Variants in NEK5 observed in about 807,000 individuals in gnomAD.
The protein encoded by NEK5 is NIMA related kinase 5, also known as serine/threonine-protein kinase Nek5.
A neutral mutation model predicts 109.2 loss-of-function variants in NEK5; 88 were observed. The observed-to-expected ratio is 0.81, with a 90% CI of 0.68 to 0.96. NEK5 has a LOEUF of 0.96. Ranked by LOEUF, NEK5 falls within the 40% of genes least tolerant of loss-of-function variation. The pLI is 0.00. For synonymous variants in NEK5, 283 were observed against 299.9 expected (o/e 0.94, Z 0.58); for missense variants, 834 against 920.7 (o/e 0.91, Z 1.22).
intron 12 of NEK5, among the ~76,000 whole-genome samples, chr13:52,095,417 T>C (rs972145961): frequency 1.3e-5 from 2 of 152,204 alleles, no homozygotes; most frequent in Admixed American, 6.5e-5. Context: ...AATAGGAATA[T>C]CAGAGGTAGT....
chr13:52,096,342 A>G lies in NEK5; in HGVS notation c.1027-3107T>C, dbSNP rs1243643855. ...GTGGAGGGCTCAGAAGAAGATAGGAAGATGATGGAAAGTTTGGAATGCCCT... is the reference window on the plus strand; with the variant it reads ...GTGGAGGGCTCAGAAGAAGATAGGAGGATGATGGAAAGTTTGGAATGCCCT... On this transcript the variant is annotated intron_variant, in intron 12 of 23. Coordinates refer to ENST00000684899, the MANE Select transcript of NEK5 (RefSeq NM_001365552.1). 2.6e-5 allele frequency among the ~76,000 whole-genome samples: 4 copies of G among 152,128 alleles called. No homozygotes were observed. The East Asian group carries it at 7.7e-4, about 29-fold the overall frequency.
At chr13:52,046,647 A>G (rs1435755152) in intron 23 of NEK5, among the ~76,000 whole-genome samples, 1 of 151,720 alleles carries the variant, frequency 6.6e-6, no homozygotes, top group Non-Finnish European at 1.5e-5. Context: ...GGGAAGTTAG[A>G]TTGAGCCCAG....
chr13:52,075,846 A>G lies in NEK5; in HGVS notation c.1654-20T>C. On this transcript the variant is annotated intron_variant, in intron 18 of 23. Coordinates refer to ENST00000684899, the MANE Select transcript of NEK5 (RefSeq NM_001365552.1). ...CCCCTTCTAGGAGAAAGCAAAAAAA[A>G]AAAAAAAGTTTAGCAATTCAGTAAA... 1 of 1,493,374 alleles carries G rather than the reference A, an allele frequency of 6.7e-7. No individual in the cohort carries two copies. Among genetic ancestry groups the G allele is most frequent in the Non-Finnish European group, 9.0e-7 (1 of 1,108,902 alleles). 92.5% of individuals were successfully genotyped at this position (1,493,374 alleles called of 1,614,324 possible).
chr13:52,089,972 G>GA (rs1337132105), intron 13 of NEK5, among the ~76,000 whole-genome samples: 12 of 149,176 alleles, frequency 8.0e-5, no homozygotes, highest in Non-Finnish European at 1.6e-4. Context: ...AAAAAAAAAA[G>GA]AAAAAAAGAA....
At chr13:52,112,772 A>C (rs899391656) in intron 4 of NEK5, among the ~76,000 whole-genome samples, 1 of 152,224 alleles carries the variant, frequency 6.6e-6, no homozygotes, top group African/African-American at 2.4e-5. Flanking sequence ...TTTGGGCATA[A>C]AGCCATATTT....
intron 3 of NEK5, among the ~76,000 whole-genome samples, chr13:52,125,178 A>G (rs1211207695): frequency 6.6e-6 from 1 of 152,184 alleles, no homozygotes; most frequent in Admixed American, 6.5e-5. Context: ...TCGTCATCCT[A>G]AATTCTTGAT....
chr13:52,036,845 A>C lies in NEK5; in HGVS notation c.*103T>G. On this transcript the variant is annotated 3_prime_UTR_variant, in exon 24 of 24. Coordinates refer to ENST00000684899, the MANE Select transcript of NEK5 (RefSeq NM_001365552.1). Reference sequence around the variant, plus strand: ...AAAGAAAAATTAATAAATCCTTGAGATTACTAGAAAACCCTTACAGTAAAT... The same window carrying C: ...AAAGAAAAATTAATAAATCCTTGAGCTTACTAGAAAACCCTTACAGTAAAT... 2.3e-6 allele frequency: 1 copy of C among 428,220 alleles called. No homozygotes were observed. Among genetic ancestry groups the C allele is most frequent in the Non-Finnish European group, 3.1e-6 (1 of 321,172 alleles). 26.5% of individuals were successfully genotyped at this position (428,220 alleles called of 1,614,324 possible).
intron 5 of NEK5, among the ~76,000 whole-genome samples, chr13:52,111,892 CAG>C (rs1955765703): frequency 6.6e-6 from 1 of 152,192 alleles, no homozygotes; most frequent in African/African-American, 2.4e-5. Context: ...TAGTTTAAAA[CAG>C]AGCACCAAAT....
At chr13:52,102,363 A>C (rs1955557811) in intron 9 of NEK5, 71 bp from the exon 10 acceptor site, 1 of 1,181,854 alleles carries the variant, frequency 8.5e-7, no homozygotes, top group Admixed American at 1.7e-5. Context: ...AAAAGTGTTA[A>C]AGTAACAAAT....
In NEK5 at chr13:52,045,873, C is replaced by A. The variant is rs187606256; in HGVS notation, c.2228+4231G>T. On this transcript the variant is annotated intron_variant, in intron 23 of 23. Transcript: ENST00000684899. ...GGATCACGAGGTCAGGGGTTTGAGA[C>A]CAGCCTGAACAACATGGTGAAACCC... 6.8e-3 allele frequency among the ~76,000 whole-genome samples: 1,026 copies of A among 150,344 alleles called. 7 individuals carry two copies. Among genetic ancestry groups the A allele is most frequent in the African/African-American group, 0.019 (788 of 40,910 alleles).
chr13:52,097,388 A>G (rs1197033780), intron 12 of NEK5, among the ~76,000 whole-genome samples: 3 of 152,220 alleles, frequency 2.0e-5, no homozygotes, highest in African/African-American at 7.2e-5. Flanking sequence ...GAGCAGCCGC[A>G]GGGGCTGTAG....
chr13:52,049,476 C>T (rs924862923), intron 23 of NEK5, among the ~76,000 whole-genome samples: 1 of 151,782 alleles, frequency 6.6e-6, no homozygotes, highest in Admixed American at 6.6e-5. Flanking sequence ...CCCAAATATG[C>T]CAATTCCCAT....
At chr13:52,075,093 C>A (rs186427956) in intron 19 of NEK5, among the ~76,000 whole-genome samples, 256 of 152,294 alleles carry the variant, frequency 1.7e-3, no homozygotes, top group African/African-American at 5.7e-3. Context: ...CTTAGAACTA[C>A]TGTTCAACCC....
intron 12 of NEK5, among the ~76,000 whole-genome samples, chr13:52,098,118 C>T (rs1404309713): frequency 6.6e-6 from 1 of 151,994 alleles, no homozygotes; most frequent in Non-Finnish European, 1.5e-5. Context: ...AACTGTAAGC[C>T]AATTAAACCT....
intron 16 of NEK5, among the ~76,000 whole-genome samples, chr13:52,085,119 G>A (rs1219867085): frequency 1.3e-5 from 2 of 152,140 alleles, no homozygotes; most frequent in Admixed American, 1.3e-4. Context: ...GGTGGGGCCA[G>A]GTGGAGATAA....
intron 23 of NEK5, among the ~76,000 whole-genome samples, chr13:52,045,547 C>T (rs1335097804): frequency 6.8e-6 from 1 of 147,486 alleles, no homozygotes; most frequent in Non-Finnish European, 1.5e-5. Context: ...GAGCGGATCA[C>T]GAGGTCAGGA....
At chr13:52,085,697 G>A (rs1211308549) in intron 16 of NEK5, among the ~76,000 whole-genome samples, 1 of 152,170 alleles carries the variant, frequency 6.6e-6, no homozygotes, top group East Asian at 1.9e-4. Flanking sequence ...ACACAGGCTG[G>A]CTATTTCATG....
intron 17 of NEK5, among the ~76,000 whole-genome samples, chr13:52,078,466 A>G (rs1448219529): frequency 1.3e-5 from 2 of 152,214 alleles, no homozygotes; most frequent in Non-Finnish European, 2.9e-5. Flanking sequence ...AAACTTTTGC[A>G]GGTGATGGAT....
intron 20 of NEK5, among the ~76,000 whole-genome samples, chr13:52,067,671 A>G (rs966320037): frequency 2.9e-5 from 4 of 136,300 alleles, no homozygotes; most frequent in African/African-American, 1.0e-4. Context: ...TCTTTACACC[A>G]CGTCATTTTT....
Sources: gnomAD v4.1 joint callset for allele counts (sites outside exome capture counted in the v4.1 genomes callset) on GRCh38, gnomAD v4.1.1 for gene constraint, MANE v1.5 for transcripts, NCBI Gene and HGNC (gene_info 2026-07-23, HGNC 2026-07-21) for gene names.